The following BRF1 variants were observed in gnomAD, a reference collection of about 807,000 sequenced individuals.
The protein encoded by BRF1 is transcription factor IIIB 90 kDa subunit.
BRF1 carries 59 observed loss-of-function variants against 81.7 expected under a neutral mutation model. That is an observed-to-expected ratio of 0.72 (90% CI 0.59 to 0.90). The LOEUF (loss-of-function observed/expected upper bound fraction) is 0.90, where lower values mean the gene tolerates loss of function less well. BRF1 is among the 40% of genes least tolerant of loss of function. BRF1 has a pLI of 0.00. For synonymous variants in BRF1, 491 were observed against 395.6 expected (o/e 1.24, Z -2.86); for missense variants, 1,050 against 936.3 (o/e 1.12, Z -1.58).
At chr14:105,211,595 T>G in intron 16 of BRF1, 1 of 427,664 alleles carries the variant, frequency 2.3e-6, no homozygotes, top group Non-Finnish European at 4.2e-6. Context: ...ACCATAGGCC[T>G]CGGCCGAGGA....
intron 5 of BRF1, among the ~76,000 whole-genome samples, chr14:105,243,470 A>AAT (rs2054862099): frequency 2.2e-5 from 2 of 89,786 alleles, no homozygotes; most frequent in East Asian, 5.1e-4. Flanking sequence ...AAAAAAAATA[A>AAT]AAATAAAAAA....
chr14:105,222,559 T>A (rs974425194), intron 10 of BRF1: 1 of 151,818 alleles, frequency 6.6e-6, no homozygotes, highest in Admixed American at 6.6e-5. Context: ...AGGCCGCACT[T>A]CCCAGACAGG....
intron 3 of BRF1, among the ~76,000 whole-genome samples, chr14:105,267,970 C>T (rs928084424): frequency 1.3e-5 from 2 of 149,224 alleles, no homozygotes; most frequent in African/African-American, 2.6e-5. Flanking sequence ...TGGCCAGGCA[C>T]GCCATGGAGG....
chr14:105,243,698 T>C (rs916558871), intron 5 of BRF1, among the ~76,000 whole-genome samples: 1 of 152,024 alleles, frequency 6.6e-6, no homozygotes, highest in East Asian at 1.9e-4. Context: ...TCAAAAACAC[T>C]GGTAAATATA....
chr14:105,307,263 A>C (rs2058217487), intron 1 of BRF1, among the ~76,000 whole-genome samples: 1 of 151,898 alleles, frequency 6.6e-6, no homozygotes, highest in Admixed American at 6.6e-5. Flanking sequence ...GCCTCCTTTC[A>C]TCAGGCTCCT....
chr14:105,308,984 G>GA (rs767759347), intron 1 of BRF1, among the ~76,000 whole-genome samples: 5 of 150,104 alleles, frequency 3.3e-5, no homozygotes, highest in South Asian at 2.1e-4. Context: ...GAAAACAAAA[G>GA]AAAAAAAAAG....
chr14:105,248,143 A>G, intron 5 of BRF1: 6 of 985,460 alleles, frequency 6.1e-6, no homozygotes, highest in Non-Finnish European at 7.2e-6. Flanking sequence ...AAGCCCTCAG[A>G]GCAGAGTGGA....
At chr14:105,262,953 A>T (rs1190112631) in intron 3 of BRF1, among the ~76,000 whole-genome samples, 3 of 152,094 alleles carry the variant, frequency 2.0e-5, no homozygotes, top group African/African-American at 7.2e-5. Flanking sequence ...TAAAAAAAAA[A>T]AAAGTGGCTG....
At chr14:105,264,747 G>T (rs2056323664) in intron 3 of BRF1, among the ~76,000 whole-genome samples, 2 of 151,204 alleles carry the variant, frequency 1.3e-5, no homozygotes. Context: ...AGGCTGAGGT[G>T]AGAGGATTGC....
chr14:105,258,499 A>AC (rs1347183470), intron 3 of BRF1, among the ~76,000 whole-genome samples: 3 of 149,914 alleles, frequency 2.0e-5, no homozygotes, highest in East Asian at 3.9e-4. Context: ...AAAAAAAAAA[A>AC]AAGAAATGAA....
In BRF1 at chr14:105,250,619, A is replaced by C. The variant is rs949655043; in HGVS notation, c.544+1888T>G. The C allele has an allele frequency of 1.2e-6, 2 of 1,613,792 alleles. No individual in the cohort carries two copies. The highest frequency in any genetic ancestry group is 8.5e-7 in the Non-Finnish European group (1 of 1,180,038). On this transcript the variant is annotated intron_variant, in intron 5 of 17. Coordinates refer to ENST00000547530, the MANE Select transcript of BRF1 (RefSeq NM_001519.4). Reference sequence around the variant, plus strand: ...GTTCCAGTGCTCCTCGGACAGCACCAACGGGACTGGGGTCCAGGGTGGGCA... The same window carrying C: ...GTTCCAGTGCTCCTCGGACAGCACCCACGGGACTGGGGTCCAGGGTGGGCA...
At chr14:105,214,931 G>A (rs966374133) in intron 15 of BRF1, among the ~76,000 whole-genome samples, 3 of 152,148 alleles carry the variant, frequency 2.0e-5, no homozygotes, top group Non-Finnish European at 4.4e-5. Context: ...AAGGGCAACC[G>A]GGACAAGCCC....
At chr14:105,229,551 C>T (rs587705211) in intron 6 of BRF1, among the ~76,000 whole-genome samples, 6 of 152,196 alleles carry the variant, frequency 3.9e-5, no homozygotes, top group African/African-American at 1.4e-4. Context: ...CCACATCCAC[C>T]CACCAGCACC....
At chr14:105,241,639 C>T in intron 5 of BRF1, 2 of 611,892 alleles carry the variant, frequency 3.3e-6, no homozygotes, top group Non-Finnish European at 5.7e-6. Flanking sequence ...CAGCCTGCTG[C>T]AGACACGCTA....
chr14:105,295,182 C>T (rs1038157222), intron 1 of BRF1, among the ~76,000 whole-genome samples: 2 of 151,782 alleles, frequency 1.3e-5, no homozygotes, highest in African/African-American at 2.4e-5. Context: ...ACAGAACATC[C>T]GGCGCTGAGC....
At chr14:105,256,644 G>A (rs1044765293) in intron 3 of BRF1, 95 bp from the exon 4 acceptor site, 3 of 1,532,132 alleles carry the variant, frequency 2.0e-6, no homozygotes, top group African/African-American at 1.4e-5. Context: ...CACCTGCAGG[G>A]AGCTGGAGTC....
At chr14:105,296,575 G>A (rs1309269556) in intron 1 of BRF1, among the ~76,000 whole-genome samples, 2 of 151,604 alleles carry the variant, frequency 1.3e-5, no homozygotes, top group East Asian at 3.9e-4. Flanking sequence ...CAGCTACTTG[G>A]GAGGCTGAGG....
intron 1 of BRF1, among the ~76,000 whole-genome samples, chr14:105,294,977 A>G (rs2057674000): frequency 6.6e-6 from 1 of 152,226 alleles, no homozygotes; most frequent in South Asian, 2.1e-4. Context: ...TTGGGACCAG[A>G]TGGCTACGCT....
chr14:105,303,052 C>G (rs933993563), upstream of BRF1, among the ~76,000 whole-genome samples: 1 of 152,216 alleles, frequency 6.6e-6, no homozygotes, highest in Non-Finnish European at 1.5e-5. Flanking sequence ...CTTCAGCCTC[C>G]CAAGTAGCTG....
Sources: allele counts gnomAD v4.1 joint callset (sites outside exome capture counted in the v4.1 genomes callset), GRCh38; gene constraint gnomAD v4.1.1; transcripts MANE v1.5; gene names NCBI Gene and HGNC (gene_info 2026-07-23, HGNC 2026-07-21).